Variants in UBE2G2 observed in about 807,000 individuals in gnomAD.
UBE2G2 encodes the protein ubiquitin conjugating enzyme E2 G2.
UBE2G2 carries 10 observed loss-of-function variants against 23.0 expected under a neutral mutation model. That is an observed-to-expected ratio of 0.43 (90% CI 0.27 to 0.74). The LOEUF is 0.74. Among genes scored for constraint, UBE2G2 ranks in the 30% least tolerant of loss-of-function variants. The pLI, the probability that UBE2G2 is intolerant of heterozygous loss-of-function variation, is 0.19. For missense variants in UBE2G2, 150 were observed against 218.3 expected (o/e 0.69, Z 1.97); for synonymous variants, 86 against 81.3 (o/e 1.06, Z -0.31).
At chr21:44,775,346 T>G (rs141986278) in intron 4 of UBE2G2, 8 of 152,294 alleles carry the variant, frequency 5.3e-5, no homozygotes, top group African/African-American at 1.9e-4. Flanking sequence ...TGTGTGATTC[T>G]CCTATCAATG....
chr21:44,796,358 T>C (rs558848358), intron 1 of UBE2G2, among the ~76,000 whole-genome samples: 1 of 152,360 alleles, frequency 6.6e-6, no homozygotes, highest in Admixed American at 6.5e-5. Flanking sequence ...TCTGCAGTTA[T>C]ATGACTACTC....
intron 1 of UBE2G2, 54 bp downstream of exon 1, chr21:44,801,652 G>T: frequency 1.3e-6 from 2 of 1,496,552 alleles, no homozygotes; most frequent in Non-Finnish European, 8.9e-7. Flanking sequence ...GGACGACGCG[G>T]GCCCGGGAGC....
rs1289099709 is a variant in UBE2G2 at position 44,780,075 on chromosome 21, GCTTT to G, written c.126-2662_126-2659del. On this transcript the variant is annotated intron_variant, in intron 3 of 5. Transcript: ENST00000345496. ...ACAGTTCTTTGTTTCTCATAATAGG[GCTTT>G]CTTTAAAAAAAATTTTTTTTAATCC... Among the ~76,000 whole-genome samples, 3 of 152,234 alleles carry G rather than the reference GCTTT, an allele frequency of 2.0e-5. No homozygotes were observed. In the East Asian group the frequency reaches 5.8e-4, roughly 29 times the overall value.
At position 44,771,267 on chromosome 21, in the gene UBE2G2, T is replaced by G; in HGVS notation, c.*110A>C. 1.0e-6 allele frequency: 1 copy of G among 953,024 alleles called. No homozygotes were observed. The highest frequency in any genetic ancestry group is 1.6e-6 in the Non-Finnish European group (1 of 635,690). 59.0% of individuals were successfully genotyped at this position (953,024 alleles called of 1,614,324 possible). On this transcript the variant is annotated 3_prime_UTR_variant, in exon 6 of 6. Transcript: ENST00000345496. The surrounding 1 kb of genome is among the most constrained non-coding windows in gnomAD (Gnocchi z 4.6). ...AAAAAAAAAAAGATGCCATGGTTCT[T>G]GCAAGTCTGCCTTGTTTGGTACCAG...
chr21:44,779,373 G>T (rs1340491684), intron 3 of UBE2G2, among the ~76,000 whole-genome samples: 7 of 118,918 alleles, frequency 5.9e-5, no homozygotes, highest in African/African-American at 2.1e-4. Context: ...AGCTGGGGTG[G>T]GGGGGGGGTA....
At chr21:44,788,193 T>C (rs112700873) in intron 1 of UBE2G2, 98 bp from the exon 2 acceptor site, 61 of 1,146,994 alleles carry the variant, frequency 5.3e-5, no homozygotes, top group African/African-American at 1.3e-4. Context: ...CTATAAACCA[T>C]AGAATATGCA....
At chr21:44,780,938 G>T (rs189194277) in intron 3 of UBE2G2, among the ~76,000 whole-genome samples, 8 of 152,340 alleles carry the variant, frequency 5.3e-5, no homozygotes, top group Non-Finnish European at 1.0e-4. Flanking sequence ...GCCTTATGGA[G>T]CACCCAGGGC....
At chr21:44,801,142 C>T (rs1189489309) in intron 1 of UBE2G2, 7 of 181,106 alleles carry the variant, frequency 3.9e-5, no homozygotes, top group Non-Finnish European at 6.4e-5. Flanking sequence ...TTTCTCCCTT[C>T]GCTCTCCTCA....
chr21:44,786,866 CG>C (rs1569298026), intron 3 of UBE2G2, among the ~76,000 whole-genome samples: 1 of 152,156 alleles, frequency 6.6e-6, no homozygotes, highest in Non-Finnish European at 1.5e-5. Context: ...CCAAGGCAGG[CG>C]GAACACCTGA....
At chr21:44,787,016 CAA>C (rs1555962141) in intron 3 of UBE2G2, among the ~76,000 whole-genome samples, 1 of 151,448 alleles carries the variant, frequency 6.6e-6, no homozygotes, top group East Asian at 1.9e-4. Flanking sequence ...CGCTTGAACC[CAA>C]GGGGCAGGAG....
At chr21:44,793,563 A>G (rs577684960) in intron 1 of UBE2G2, among the ~76,000 whole-genome samples, 119 of 78,590 alleles carry the variant, frequency 1.5e-3, no homozygotes, top group East Asian at 3.1e-3. Context: ...GGTTCAGGGC[A>G]CTTATTTTTT....
intron 1 of UBE2G2, among the ~76,000 whole-genome samples, chr21:44,793,462 C>A (rs529051017): frequency 6.6e-6 from 1 of 152,178 alleles, no homozygotes; most frequent in Admixed American, 6.5e-5. Flanking sequence ...CCCGGGTGTG[C>A]GCTGGCCTTC....
At chr21:44,791,674 T>C (rs955684368) in intron 1 of UBE2G2, among the ~76,000 whole-genome samples, 5 of 152,186 alleles carry the variant, frequency 3.3e-5, no homozygotes, top group South Asian at 2.1e-4. Context: ...TGCTAGGGCA[T>C]TGCAGAAGGG....
intron 4 of UBE2G2, chr21:44,774,706 T>C (rs1555960357): frequency 2.2e-6 from 1 of 456,332 alleles, no homozygotes; most frequent in Non-Finnish European, 4.4e-6. Context: ...TGGAAGAAAC[T>C]AGATGCATAC....
chr21:44,777,187 T>C (rs2082919554), intron 4 of UBE2G2, 112 bp downstream of exon 4: 3 of 916,576 alleles, frequency 3.3e-6, no homozygotes, highest in Non-Finnish European at 5.1e-6. Flanking sequence ...TAAGAAGTGT[T>C]TTCTAAAGAT....
At chr21:44,780,754 A>C (rs1569295873) in intron 3 of UBE2G2, among the ~76,000 whole-genome samples, 1 of 152,246 alleles carries the variant, frequency 6.6e-6, no homozygotes, top group Admixed American at 6.5e-5. Context: ...GTCCTCCTCC[A>C]GAGTTGTGAC....
intron 3 of UBE2G2, among the ~76,000 whole-genome samples, chr21:44,779,540 G>A (rs1394191501): frequency 1.3e-5 from 2 of 150,502 alleles, no homozygotes; most frequent in African/African-American, 4.9e-5. Context: ...CCCAGCGCCC[G>A]GCAGCCTGGG....
chr21:44,777,149 C>T, intron 4 of UBE2G2, 150 bp downstream of exon 4: 1 of 670,838 alleles, frequency 1.5e-6, no homozygotes, highest in South Asian at 2.0e-5. Context: ...TTAATACCAC[C>T]ATGCTTACTT....
intron 3 of UBE2G2, among the ~76,000 whole-genome samples, chr21:44,777,672 G>A (rs1416012859): frequency 1.3e-5 from 2 of 152,082 alleles, no homozygotes; most frequent in Non-Finnish European, 2.9e-5. Context: ...GCTGGGTGTG[G>A]TGGCGCATGA....
Sources: allele counts gnomAD v4.1 joint callset (sites outside exome capture counted in the v4.1 genomes callset), GRCh38; gene constraint gnomAD v4.1.1; non-coding constraint Gnocchi (gnomAD v3.1); transcripts MANE v1.5; gene names NCBI Gene and HGNC (gene_info 2026-07-23, HGNC 2026-07-21).